Variants in PARD3B observed in about 807,000 individuals in gnomAD.
The protein encoded by PARD3B is par-3 family cell polarity regulator beta.
In PARD3B, 103 loss-of-function variants were observed where a neutral mutation model predicts 130.2. That is an observed-to-expected ratio of 0.79 (90% CI 0.67 to 0.93). The LOEUF is 0.93. PARD3B is among the 40% of genes least tolerant of loss of function. PARD3B has a pLI of 0.00. For synonymous variants in PARD3B, 583 were observed against 553.2 expected (o/e 1.05, Z -0.76); for missense variants, 1,609 against 1,499.2 (o/e 1.07, Z -1.21).
In PARD3B at chr2:204,745,496, G is replaced by A. The variant is rs189898450; in HGVS notation, c.222+59214G>A. Among the ~76,000 whole-genome samples the A allele has an allele frequency of 2.2e-3, 336 of 151,648 alleles. 2 individuals are homozygous for A. Among genetic ancestry groups the A allele is most frequent in the African/African-American group, 7.8e-3 (323 of 41,306 alleles). On this transcript the variant is annotated intron_variant, in intron 2 of 22. Coordinates refer to ENST00000406610, the MANE Select transcript of PARD3B (RefSeq NM_001302769.2). Reference sequence around the variant, plus strand: ...CGGCTCACTGCAACCTCTACCTCCCGGATTCAAGTGATTCTCCTGCCTCAG... The same window carrying A: ...CGGCTCACTGCAACCTCTACCTCCCAGATTCAAGTGATTCTCCTGCCTCAG...
chr2:205,033,203 C>T (rs1269914682), intron 3 of PARD3B, among the ~76,000 whole-genome samples: 2 of 152,150 alleles, frequency 1.3e-5, no homozygotes, highest in Non-Finnish European at 2.9e-5. Context: ...CCCAAGTCCA[C>T]ACCCTCTTCA....
intron 2 of PARD3B, among the ~76,000 whole-genome samples, chr2:204,876,108 G>C (rs1304338699): frequency 6.6e-6 from 1 of 152,238 alleles, no homozygotes; most frequent in Non-Finnish European, 1.5e-5. Flanking sequence ...TTCGGAAACA[G>C]AGTGGTGTAT....
chr2:205,405,723 T>C lies in PARD3B; in HGVS notation c.2741+4600T>C, dbSNP rs1044255451. ...CTTCAGGGGTTGACAATATGTCCGA[T>C]GACAGAATCAGCAGGAACAATGGAC... On this transcript the variant is annotated intron_variant, in intron 19 of 22. Transcript: ENST00000406610. This position sits in a 1 kb window ranked among gnomAD's most constrained non-coding sequence, Gnocchi z 4.1. Among the ~76,000 whole-genome samples the C allele has an allele frequency of 1.3e-5, 2 of 152,186 alleles. No homozygotes were observed. Among genetic ancestry groups the C allele is most frequent in the Non-Finnish European group, 2.9e-5 (2 of 68,032 alleles).
chr2:205,523,643 G>C (rs962741611), intron 21 of PARD3B, among the ~76,000 whole-genome samples: 2 of 151,906 alleles, frequency 1.3e-5, no homozygotes, highest in Admixed American at 1.3e-4. Context: ...TTTTTAACCT[G>C]TGGTATTTAA....
At position 205,104,338 on chromosome 2, in the gene PARD3B, G is replaced by A. The variant is rs189647132; in HGVS notation, c.505-88G>A. The stretch of plus-strand genomic sequence containing the variant: ...ATACTGTATATATCCAGCGTAAAGC[G>A]GTTTACTCTCCCATATTGGGATATT... On this transcript the variant is annotated intron_variant, in intron 4 of 22. Coordinates refer to ENST00000406610, the MANE Select transcript of PARD3B (RefSeq NM_001302769.2). 1.3e-4 allele frequency: 120 copies of A among 907,060 alleles called. 1 individual carries two copies. The highest frequency in any genetic ancestry group is 1.2e-3 in the Admixed American group (67 of 54,774). The allele number at this position is 907,060 out of a possible 1,614,324, so 56.2% of individuals were successfully genotyped here.
At chr2:204,724,204 G>A (rs1331150220) in intron 2 of PARD3B, among the ~76,000 whole-genome samples, 1 of 152,070 alleles carries the variant, frequency 6.6e-6, no homozygotes, top group Non-Finnish European at 1.5e-5. Flanking sequence ...GTTAAGAAAA[G>A]TTTCATTGGC....
rs10804149 is a variant in PARD3B, at chr2:205,617,080, T to G, written c.*1267T>G. On this transcript the variant is annotated 3_prime_UTR_variant, in exon 23 of 23. Coordinates refer to ENST00000406610, the MANE Select transcript of PARD3B (RefSeq NM_001302769.2). ...CTATATTTCATTAGCTAAAGTCAGGTCAGGGCAGGGCCAAGGCCTCCAATT... is the reference window on the plus strand; with the variant it reads ...CTATATTTCATTAGCTAAAGTCAGGGCAGGGCAGGGCCAAGGCCTCCAATT... 1.3e-5 allele frequency: 2 copies of G among 154,360 alleles called. No homozygotes were observed. Among genetic ancestry groups the G allele is most frequent in the Middle Eastern group, 5.1e-4 (1 of 1,948 alleles). 9.6% of individuals were successfully genotyped at this position (154,360 alleles called of 1,614,324 possible).
intron 20 of PARD3B, among the ~76,000 whole-genome samples, chr2:205,474,323 A>G (rs1367353419): frequency 6.6e-6 from 1 of 152,032 alleles, no homozygotes; most frequent in Non-Finnish European, 1.5e-5. Flanking sequence ...ATTTTCATCC[A>G]GTGTTTCTTC....
At position 205,158,852 on chromosome 2, in the gene PARD3B, G is replaced by T; in HGVS notation, c.1565G>T (p.Gly522Val). The T allele has an allele frequency of 6.2e-7, 1 of 1,614,084 alleles. No homozygotes were observed. Among genetic ancestry groups the T allele is most frequent in the South Asian group, 1.1e-5 (1 of 91,072 alleles). The change falls in exon 11 of 23, where the codon GGA (glycine) becomes GTA (valine). Residue 522 changes from glycine to valine, a missense_variant. By Grantham distance (109) the Gly-to-Val change is moderately radical. Transcript: ENST00000406610. This position sits in a 1 kb window ranked among gnomAD's most constrained non-coding sequence, Gnocchi z 5.4. ...SLKGNKSRET[G>V]TDLGIFIKSI... ...AAAGGGAACAAATCCAGAGAAACTG[G>T]AACAGACTTGGGGATTTTTATCAAA...
intron 1 of PARD3B, among the ~76,000 whole-genome samples, chr2:204,608,870 G>C (rs979562267): frequency 2.0e-5 from 3 of 152,174 alleles, no homozygotes; most frequent in Non-Finnish European, 4.4e-5. Context: ...TGTTGTGGGT[G>C]AGAGAGAACT....
intron 4 of PARD3B, among the ~76,000 whole-genome samples, chr2:205,079,685 T>C (rs185949334): frequency 1.6e-4 from 25 of 152,182 alleles, no homozygotes; most frequent in African/African-American, 5.1e-4. Context: ...CTCCTGAGAA[T>C]AAGTTTTAGA....
Position 204,835,738 on chromosome 2 carries a change from A to G in PARD3B, c.223-129414A>G, listed in dbSNP as rs760057828. On this transcript the variant is annotated intron_variant, in intron 2 of 22. Transcript: ENST00000406610. ...ACCACACTTCCAGATTTGAATTTTC[A>G]TCTTTTCCCAGGCTAGGAATATGTG... Among the ~76,000 whole-genome samples the G allele has an allele frequency of 4.3e-4, 66 of 152,302 alleles. 1 individual carries two copies. The highest frequency in any genetic ancestry group is 2.3e-3 in the Admixed American group (35 of 15,302).
chr2:205,562,820 C>T lies in PARD3B; in HGVS notation c.3260+9417C>T, dbSNP rs1039110230. 2.6e-5 allele frequency among the ~76,000 whole-genome samples: 4 copies of T among 152,160 alleles called. No homozygotes were observed. Among genetic ancestry groups the T allele is most frequent in the Non-Finnish European group, 4.4e-5 (3 of 68,034 alleles). On this transcript the variant is annotated intron_variant, in intron 22 of 22. Coordinates refer to ENST00000406610, the MANE Select transcript of PARD3B (RefSeq NM_001302769.2). This position sits in a 1 kb window ranked among gnomAD's most constrained non-coding sequence, Gnocchi z 5.4. ...ATGCTGTACCGTTTTGCATGATGCA[C>T]ACTGTCTTTCTGCACCTACCTCCTC... is the stretch of plus-strand genomic sequence containing the variant.
At chr2:204,730,801 G>A (rs1479596509) in intron 2 of PARD3B, among the ~76,000 whole-genome samples, 1 of 152,128 alleles carries the variant, frequency 6.6e-6, no homozygotes, top group Non-Finnish European at 1.5e-5. Flanking sequence ...AAACTACCTC[G>A]TTGCTGAGCT....
In PARD3B at chr2:205,438,257, C is replaced by A. The variant is rs554164283; in HGVS notation, c.2742-2113C>A. ...CTTTTCATCTGAGATTCTCCACGTA[C>A]TCAGCAAGTTTAATTAATGAGAAAA... On this transcript the variant is annotated intron_variant, in intron 19 of 22. Transcript: ENST00000406610. Among the ~76,000 whole-genome samples the A allele has an allele frequency of 1.2e-3, 179 of 152,262 alleles. 1 individual carries two copies. Among genetic ancestry groups the A allele is most frequent in the Non-Finnish European group, 1.6e-3 (108 of 68,022 alleles).
At chr2:205,054,247 C>T (rs1051396837) in intron 4 of PARD3B, among the ~76,000 whole-genome samples, 9 of 151,228 alleles carry the variant, frequency 6.0e-5, no homozygotes, top group Admixed American at 5.9e-4. Flanking sequence ...ATGTCTGTAC[C>T]ATGACTAATC....
intron 2 of PARD3B, among the ~76,000 whole-genome samples, chr2:204,885,436 A>C (rs2046238783): frequency 6.6e-6 from 1 of 152,186 alleles, no homozygotes; most frequent in Non-Finnish European, 1.5e-5. Flanking sequence ...TCTGTTCATT[A>C]GCAGAGTGTT....
intron 3 of PARD3B, among the ~76,000 whole-genome samples, chr2:204,987,610 C>T (rs1693278248): frequency 6.6e-6 from 1 of 152,108 alleles, no homozygotes. Context: ...AGTGGTCAGT[C>T]AATAATTATT....
chr2:205,331,455 G>A (rs2043125694), intron 18 of PARD3B, among the ~76,000 whole-genome samples: 1 of 151,938 alleles, frequency 6.6e-6, no homozygotes, highest in Non-Finnish European at 1.5e-5. Context: ...TGTTCTCACA[G>A]GCCCTTTCCA....
Sources: gnomAD v4.1 joint callset for allele counts (sites outside exome capture counted in the v4.1 genomes callset) on GRCh38, gnomAD v4.1.1 for gene constraint, Gnocchi (gnomAD v3.1) non-coding constraint, MANE v1.5 for transcripts, NCBI Gene and HGNC (gene_info 2026-07-23, HGNC 2026-07-21) for gene names.